The following CLXN variants were observed in gnomAD, a reference collection of about 807,000 sequenced individuals.
The protein encoded by CLXN is calaxin.
the CLXN span, among the ~76,000 whole-genome samples, chr8:48,725,526 A>G: frequency 0.83 from 126,218 of 152,180 alleles, 52,469 homozygotes; most frequent in South Asian, 0.87. Context: ...AATGGGAGCC[A>G]GGCATGGTGG....
chr8:48,734,960 G>A, the CLXN span: 3 of 994,174 alleles, frequency 3.0e-6, no homozygotes, highest in Admixed American at 7.1e-5. Context: ...TTAAGGGGCC[G>A]GGGTGGAGGG....
the CLXN span, chr8:48,734,976 A>G: frequency 3.5e-6 from 4 of 1,149,786 alleles, no homozygotes; most frequent in Admixed American, 4.2e-5. Context: ...GAGGGGCGGT[A>G]GGTAGCCCAC....
At chr8:48,729,880 G>A in the CLXN span, 2 of 1,597,604 alleles carry the variant, frequency 1.3e-6, no homozygotes, top group Non-Finnish European at 1.7e-6. Flanking sequence ...ATCTTTTTAA[G>A]AAAATAACAA....
the CLXN span, among the ~76,000 whole-genome samples, chr8:48,720,486 T>A: frequency 6.6e-6 from 1 of 152,178 alleles, no homozygotes; most frequent in Non-Finnish European, 1.5e-5. Flanking sequence ...CCTGGTCTCC[T>A]GCAGTACTCC....
At chr8:48,729,085 G>T in the CLXN span, 2 of 1,613,526 alleles carry the variant, frequency 1.2e-6, no homozygotes, top group Admixed American at 1.7e-5. Context: ...CAGTAGAAGA[G>T]TCTCTTCTCT....
At chr8:48,714,651 C>T in the CLXN span, among the ~76,000 whole-genome samples, 2 of 152,070 alleles carry the variant, frequency 1.3e-5, no homozygotes, top group African/African-American at 2.4e-5. Flanking sequence ...GTCCGTGATA[C>T]TGGTAAGGAA....
chr8:48,718,753 GACAA>G, the CLXN span, among the ~76,000 whole-genome samples: 6 of 151,964 alleles, frequency 3.9e-5, no homozygotes, highest in South Asian at 6.2e-4. Context: ...ATTATCTCAA[GACAA>G]ACAAAAACAA....
At chr8:48,733,929 C>G in the CLXN span, among the ~76,000 whole-genome samples, 11 of 152,060 alleles carry the variant, frequency 7.2e-5, no homozygotes, top group African/African-American at 2.7e-4. Flanking sequence ...TAGAAGAATA[C>G]CTATTCTCCC....
the CLXN span, chr8:48,735,185 GTC>G: frequency 6.2e-7 from 1 of 1,612,598 alleles, no homozygotes; most frequent in Non-Finnish European, 8.5e-7. Flanking sequence ...CGCGGCGGGG[GTC>G]TCTGGGCGCG....
At chr8:48,716,615 G>A in the CLXN span, 4 of 152,172 alleles carry the variant, frequency 2.6e-5, no homozygotes, top group African/African-American at 7.2e-5. Context: ...GGAGATAAAA[G>A]TCATTAAAAA....
the CLXN span, chr8:48,716,265 G>T: frequency 6.5e-6 from 1 of 153,158 alleles, no homozygotes; most frequent in Non-Finnish European, 1.5e-5. Context: ...CCGCAGGCCA[G>T]CCGGCCGCTC....
chr8:48,724,615 A>T, the CLXN span: 2 of 660,930 alleles, frequency 3.0e-6, no homozygotes, highest in Admixed American at 3.3e-5. Flanking sequence ...TGATATATGT[A>T]AGTGAACCTC....
chr8:48,722,117 C>T, the CLXN span, among the ~76,000 whole-genome samples: 1 of 152,136 alleles, frequency 6.6e-6, no homozygotes, highest in Non-Finnish European at 1.5e-5. Context: ...TAAAACCCCC[C>T]AAAACCTGAT....
chr8:48,731,144 T>G, the CLXN span, among the ~76,000 whole-genome samples: 1 of 152,206 alleles, frequency 6.6e-6, no homozygotes, highest in Non-Finnish European at 1.5e-5. Context: ...GATGTCAACA[T>G]GACTTTGTCT....
chr8:48,729,714 A>G, the CLXN span: 2 of 1,598,016 alleles, frequency 1.3e-6, no homozygotes, highest in African/African-American at 2.7e-5. Context: ...CATTACCCAT[A>G]TTTACCATTT....
chr8:48,735,183 G>T, the CLXN span: 1 of 1,612,904 alleles, frequency 6.2e-7, no homozygotes, highest in Non-Finnish European at 8.5e-7. Context: ...GCCGCGGCGG[G>T]GGTCTCTGGG....
chr8:48,717,408 A>C, the CLXN span, among the ~76,000 whole-genome samples: 3 of 152,148 alleles, frequency 2.0e-5, no homozygotes, highest in Admixed American at 6.5e-5. Flanking sequence ...AATAAAAAAA[A>C]CCCTGCCAAT....
At chr8:48,729,177 C>T in the CLXN span, 34 of 1,529,562 alleles carry the variant, frequency 2.2e-5, no homozygotes, top group Non-Finnish European at 2.7e-5. Context: ...TTAGGCAACA[C>T]GTAAAATGAT....
chr8:48,727,306 A>G, the CLXN span, among the ~76,000 whole-genome samples: 382 of 152,284 alleles, frequency 2.5e-3, 3 homozygotes, highest in African/African-American at 6.9e-3. Context: ...GTATGGGGAA[A>G]CACAGTGAAA....
Sources: gnomAD v4.1 joint callset for allele counts (sites outside exome capture counted in the v4.1 genomes callset) on GRCh38, gnomAD v4.1.1 for gene constraint, MANE v1.5 for transcripts, NCBI Gene and HGNC (gene_info 2026-07-23, HGNC 2026-07-21) for gene names.